Variants in SHB observed in about 807,000 individuals in gnomAD.
SHB encodes the protein SH2 domain containing adaptor protein B, also known as SH2 domain-containing adapter protein B.
In SHB, 20 loss-of-function variants were observed where a neutral mutation model predicts 52.3. That is an observed-to-expected ratio of 0.38 (90% CI 0.27 to 0.56). SHB has a LOEUF of 0.56. Among genes scored for constraint, SHB ranks in the 20% least tolerant of loss-of-function variants. The pLI is 0.71. For synonymous variants in SHB, 397 were observed against 316.5 expected, an observed-to-expected ratio of 1.25 and a Z score of -2.70; for missense variants, 825 against 723.3, an observed-to-expected ratio of 1.14 and a Z score of -1.61.
chr9:38,056,646 C>T (rs956245224), intron 1 of SHB, among the ~76,000 whole-genome samples: 2 of 152,228 alleles, frequency 1.3e-5, no homozygotes, highest in African/African-American at 4.8e-5. Context: ...AGACTTTTCT[C>T]AGCAGCATGC....
At chr9:37,960,109 A>G (rs981188957) in intron 3 of SHB, among the ~76,000 whole-genome samples, 2 of 152,250 alleles carry the variant, frequency 1.3e-5, no homozygotes, top group East Asian at 1.9e-4. Context: ...ATATAGCCAT[A>G]TATCTTAGAG....
intron 1 of SHB, among the ~76,000 whole-genome samples, chr9:38,057,026 A>C (rs574344210): frequency 6.6e-6 from 1 of 152,366 alleles, no homozygotes; most frequent in South Asian, 2.1e-4. Context: ...CTAGAACACA[A>C]TTTGAAAGTA....
chr9:38,023,090 G>A (rs1821301076), intron 1 of SHB, among the ~76,000 whole-genome samples: 4 of 152,218 alleles, frequency 2.6e-5, no homozygotes, highest in Admixed American at 2.0e-4. Flanking sequence ...CATGGCGGAG[G>A]CAGGCAGCAT....
intron 5 of SHB, among the ~76,000 whole-genome samples, chr9:37,924,434 T>G (rs1273311516): frequency 2.0e-5 from 3 of 152,244 alleles, no homozygotes; most frequent in African/African-American, 7.2e-5. Context: ...AAATCGCTTC[T>G]TTTCATGATG....
intron 1 of SHB, among the ~76,000 whole-genome samples, chr9:38,045,693 G>A (rs976113849): frequency 2.6e-5 from 4 of 151,916 alleles, no homozygotes; most frequent in Non-Finnish European, 5.9e-5. Context: ...ACTATACAAC[G>A]TGAGATCCTA....
rs771698641 is a variant in SHB at position 38,068,469 on chromosome 9, G to A, written c.177C>T (p.Thr59=). ...CCGAAGAGGCTGAGAAGCAGGAGGCGGTGGCCGGACCGCAGGACGCCGAGG... is the reference window on the plus strand; with the variant it reads ...CCGAAGAGGCTGAGAAGCAGGAGGCAGTGGCCGGACCGCAGGACGCCGAGG... ...SAASASCGPA[T]ASCFSASSGS... Residue 59 remains threonine, a synonymous_variant, in exon 1 of 6, where the codon ACC becomes ACT. Coordinates refer to ENST00000377707, the MANE Select transcript of SHB (RefSeq NM_003028.3). The A allele has an allele frequency of 1.3e-6, 2 of 1,515,766 alleles. No homozygotes were observed. The highest frequency in any genetic ancestry group is 1.2e-5 in the South Asian group (1 of 81,638). The allele number at this position is 1,515,766 out of a possible 1,614,324, so 93.9% of individuals were successfully genotyped here.
intron 3 of SHB, among the ~76,000 whole-genome samples, chr9:37,971,379 G>A (rs1166665145): frequency 2.0e-5 from 3 of 151,338 alleles, no homozygotes; most frequent in Non-Finnish European, 4.4e-5. Flanking sequence ...CACCACTTGA[G>A]AGGTGGCCCA....
chr9:37,976,435 T>G (rs1820654013), intron 2 of SHB, among the ~76,000 whole-genome samples: 1 of 152,198 alleles, frequency 6.6e-6, no homozygotes, highest in African/African-American at 2.4e-5. Flanking sequence ...TAGAACTGTT[T>G]CATCTTCCCA....
chr9:38,026,425 C>G (rs1466676188), intron 1 of SHB, among the ~76,000 whole-genome samples: 1 of 152,242 alleles, frequency 6.6e-6, no homozygotes. Context: ...TCTCCCCGAA[C>G]GGGACCCATT....
At chr9:38,051,256 A>G (rs976658323) in intron 1 of SHB, among the ~76,000 whole-genome samples, 5 of 152,012 alleles carry the variant, frequency 3.3e-5, no homozygotes, top group Non-Finnish European at 1.5e-5. Context: ...CCTGGCCAAC[A>G]TGGTGAAACC....
intron 2 of SHB, among the ~76,000 whole-genome samples, chr9:37,979,060 C>T (rs1010993872): frequency 1.3e-5 from 2 of 152,204 alleles, no homozygotes; most frequent in Non-Finnish European, 2.9e-5. Flanking sequence ...CCAGATGTTG[C>T]TGCCTCCTGC....
At chr9:37,944,908 A>ACC (rs34644330) in intron 5 of SHB, among the ~76,000 whole-genome samples, 2 of 150,958 alleles carry the variant, frequency 1.3e-5, no homozygotes, top group African/African-American at 2.4e-5. Flanking sequence ...GGCTCCCAAG[A>ACC]CCCCCCTGTG....
intron 2 of SHB, among the ~76,000 whole-genome samples, chr9:38,006,607 T>A (rs779412318): frequency 8.5e-5 from 13 of 152,202 alleles, no homozygotes; most frequent in Admixed American, 3.3e-4. Context: ...TATTTCTACC[T>A]TGGGTAAAAT....
At chr9:37,930,243 T>C (rs773759028) in intron 5 of SHB, among the ~76,000 whole-genome samples, 3 of 152,198 alleles carry the variant, frequency 2.0e-5, no homozygotes, top group Non-Finnish European at 2.9e-5. Flanking sequence ...CTGAGATCAT[T>C]TGGTTCCCTG....
At chr9:37,958,623 A>T (rs930904837) in intron 3 of SHB, among the ~76,000 whole-genome samples, 2 of 152,090 alleles carry the variant, frequency 1.3e-5, no homozygotes, top group African/African-American at 4.8e-5. Context: ...CAATGACCTC[A>T]AGGCCTTCCC....
At chr9:38,018,142 T>TG (rs1564102986) in intron 1 of SHB, among the ~76,000 whole-genome samples, 2 of 151,892 alleles carry the variant, frequency 1.3e-5, no homozygotes, top group African/African-American at 4.8e-5. Context: ...CAAAATCATT[T>TG]GGGGGGATTT....
At chr9:38,059,824 G>A (rs1270831593) in intron 1 of SHB, among the ~76,000 whole-genome samples, 1 of 152,170 alleles carries the variant, frequency 6.6e-6, no homozygotes, top group Non-Finnish European at 1.5e-5. Flanking sequence ...CTGCTGTGAG[G>A]CAGGGAAGAA....
chr9:38,057,278 G>GT (rs1821834084), intron 1 of SHB, among the ~76,000 whole-genome samples: 1 of 151,968 alleles, frequency 6.6e-6, no homozygotes, highest in Admixed American at 6.6e-5. Flanking sequence ...AATATAGACG[G>GT]TATCACTTAA....
At chr9:37,962,973 G>C (rs1378501994) in intron 3 of SHB, among the ~76,000 whole-genome samples, 1 of 152,190 alleles carries the variant, frequency 6.6e-6, no homozygotes. Context: ...AAGTTGCCCA[G>C]GGCAATAGGA....
Sources: allele counts gnomAD v4.1 joint callset (sites outside exome capture counted in the v4.1 genomes callset), GRCh38; gene constraint gnomAD v4.1.1; transcripts MANE v1.5; gene names NCBI Gene and HGNC (gene_info 2026-07-23, HGNC 2026-07-21).